The following TMTC2 variants were observed in gnomAD, a reference collection of about 807,000 sequenced individuals.
TMTC2 encodes the protein transmembrane O-mannosyltransferase targeting cadherins 2, also known as protein O-mannosyl-transferase TMTC2.
Under a neutral mutation model 82.4 loss-of-function variants are expected in TMTC2, and 43 were observed. That is an observed-to-expected ratio of 0.52 (90% confidence interval 0.41 to 0.67). TMTC2 has a LOEUF of 0.67. Ranked by LOEUF, TMTC2 falls within the 30% of genes least tolerant of loss-of-function variation. TMTC2 has a pLI of 0.00. For missense variants in TMTC2, 919 were observed against 1,012.4 expected, an observed-to-expected ratio of 0.91 and a Z score of 1.25; for synonymous variants, 408 against 381.9, an observed-to-expected ratio of 1.07 and a Z score of -0.80.
At chr12:83,086,315 G>C (rs573391461) in intron 11 of TMTC2, among the ~76,000 whole-genome samples, 3 of 152,104 alleles carry the variant, frequency 2.0e-5, no homozygotes, top group Non-Finnish European at 2.9e-5. Flanking sequence ...GGCACTCCTC[G>C]TTTCCCATAT....
chr12:83,031,003 C>T lies in TMTC2; in HGVS notation c.2152+124C>T, dbSNP rs530619070. ...TGGACTTTGTTATTGCAGATTTAGC[C>T]TCATGCTATATTCCTACCTTCTCAT... On this transcript the variant is annotated intron_variant, in intron 9 of 11. Transcript: ENST00000321196. 7.5e-4 allele frequency: 501 copies of T among 671,580 alleles called. 1 individual carries two copies. Among genetic ancestry groups the T allele is most frequent in the Non-Finnish European group, 1.1e-3 (433 of 381,984 alleles). The allele number at this position is 671,580 out of a possible 1,614,324, so 41.6% of individuals were successfully genotyped here. A position where few individuals can be genotyped will look rare whatever the true frequency, so the allele number is the denominator to read the frequency against.
At chr12:83,016,203 A>G (rs1358208086) in intron 8 of TMTC2, among the ~76,000 whole-genome samples, 1 of 152,158 alleles carries the variant, frequency 6.6e-6, no homozygotes, top group African/African-American at 2.4e-5. Flanking sequence ...TGGTCCTTTT[A>G]ACTAGTGTTA....
chr12:82,927,943 A>T (rs1272056138), intron 3 of TMTC2, among the ~76,000 whole-genome samples: 1 of 152,220 alleles, frequency 6.6e-6, no homozygotes, highest in South Asian at 2.1e-4. Flanking sequence ...CCAAAAAAAA[A>T]TTATGTGACT....
intron 1 of TMTC2, among the ~76,000 whole-genome samples, chr12:82,688,686 T>C (rs1014144799): frequency 2.0e-5 from 3 of 152,208 alleles, no homozygotes; most frequent in African/African-American, 7.2e-5. Context: ...TCATGCTCCA[T>C]TGAAATTAAA....
At chr12:83,111,533 G>A (rs1245560213) in intron 11 of TMTC2, among the ~76,000 whole-genome samples, 2 of 152,158 alleles carry the variant, frequency 1.3e-5, no homozygotes, top group Non-Finnish European at 2.9e-5. Context: ...GGCCAGATGT[G>A]ACCCACAGAC....
chr12:82,890,519 T>C (rs535520753), intron 2 of TMTC2, among the ~76,000 whole-genome samples: 4 of 152,316 alleles, frequency 2.6e-5, no homozygotes, highest in African/African-American at 9.6e-5. Flanking sequence ...TAAAACTTTG[T>C]GAAACAAGAG....
intron 8 of TMTC2, among the ~76,000 whole-genome samples, chr12:83,004,653 C>A (rs1880072068): frequency 1.4e-5 from 2 of 145,314 alleles, no homozygotes; most frequent in African/African-American, 5.0e-5. Flanking sequence ...AAGGCCATGG[C>A]TCTGCACGGG....
At chr12:82,727,844 CAAAA>C (rs58681807) in intron 1 of TMTC2, among the ~76,000 whole-genome samples, 1 of 148,248 alleles carries the variant, frequency 6.7e-6, no homozygotes, top group Non-Finnish European at 1.5e-5. Flanking sequence ...TAAGAAAGGC[CAAAA>C]AAAAAAAAAA....
At chr12:82,941,804 G>A (rs1046480967) in intron 4 of TMTC2, among the ~76,000 whole-genome samples, 1 of 152,174 alleles carries the variant, frequency 6.6e-6, no homozygotes, top group Non-Finnish European at 1.5e-5. Context: ...CTGTTGCCCA[G>A]GCTGGAGTGC....
chr12:83,016,834 T>C (rs1270304403), intron 8 of TMTC2, among the ~76,000 whole-genome samples: 6 of 152,214 alleles, frequency 3.9e-5, no homozygotes, highest in Non-Finnish European at 8.8e-5. Context: ...TCTCTGTGCC[T>C]CGCTTTCTTC....
At chr12:82,781,519 A>G (rs1158805258) in intron 1 of TMTC2, among the ~76,000 whole-genome samples, 1 of 151,090 alleles carries the variant, frequency 6.6e-6, no homozygotes, top group African/African-American at 2.4e-5. Context: ...TGTCCATCTT[A>G]ACACAGATGC....
chr12:83,032,543 A>T lies in TMTC2; in HGVS notation c.2152+1664A>T, dbSNP rs540505950. ...TTAAACAGAAAGTTCTACAAAAAAA[A>T]TTTTTTTTTTAATTTTTTTAGATGG... On this transcript the variant is annotated intron_variant, in intron 9 of 11. Transcript: ENST00000321196. 2.9e-4 allele frequency among the ~76,000 whole-genome samples: 44 copies of T among 149,664 alleles called. 1 individual carries two copies. In the South Asian group the frequency reaches 3.8e-3, roughly 13 times the overall value.
chr12:82,889,280 A>G (rs1204970827), intron 2 of TMTC2, among the ~76,000 whole-genome samples: 1 of 151,856 alleles, frequency 6.6e-6, no homozygotes, highest in Admixed American at 6.6e-5. Context: ...AAAAAAAAAA[A>G]AAAGTGTAGG....
chr12:82,724,495 C>T (rs1267032764), intron 1 of TMTC2, among the ~76,000 whole-genome samples: 6 of 152,118 alleles, frequency 3.9e-5, no homozygotes, highest in African/African-American at 9.7e-5. Context: ...AGTGGCAGTT[C>T]CCCTGCGCTC....
chr12:83,057,980 C>G (rs192826559), intron 10 of TMTC2, among the ~76,000 whole-genome samples: 1 of 151,748 alleles, frequency 6.6e-6, no homozygotes. Context: ...GTAAGTGGTT[C>G]TTTTAATCAG....
At chr12:82,890,007 T>C (rs568209133) in intron 2 of TMTC2, among the ~76,000 whole-genome samples, 1 of 152,300 alleles carries the variant, frequency 6.6e-6, no homozygotes, top group South Asian at 2.1e-4. Context: ...TGATACAAAC[T>C]ATTAATTTTA....
At chr12:82,695,273 A>T (rs1872733951) in intron 1 of TMTC2, among the ~76,000 whole-genome samples, 1 of 152,206 alleles carries the variant, frequency 6.6e-6, no homozygotes, top group Non-Finnish European at 1.5e-5. Context: ...AAGGTGAATA[A>T]TGCTCATAAA....
At chr12:82,935,728 T>G (rs1876281306) in intron 4 of TMTC2, among the ~76,000 whole-genome samples, 1 of 152,154 alleles carries the variant, frequency 6.6e-6, no homozygotes, top group African/African-American at 2.4e-5. Context: ...GCAGATGAAT[T>G]TAACATGCTA....
rs191117866 is a variant in TMTC2 at position 82,992,920 on chromosome 12, G to T, written c.2070+6874G>T. The stretch of plus-strand genomic sequence containing the variant: ...TTCTTTTGAGTATGCCACTAATGTG[G>T]CATTAAAGGCCACATGAGATAATTT... On this transcript the variant is annotated intron_variant, in intron 8 of 11. Transcript: ENST00000321196. Among the ~76,000 whole-genome samples, 18 of 152,234 alleles carry T rather than the reference G, an allele frequency of 1.2e-4. No homozygotes were observed. In the East Asian group the frequency reaches 3.5e-3, roughly 29 times the overall value.
Sources: allele counts gnomAD v4.1 joint callset (sites outside exome capture counted in the v4.1 genomes callset), GRCh38; gene constraint gnomAD v4.1.1; transcripts MANE v1.5; gene names NCBI Gene and HGNC (gene_info 2026-07-23, HGNC 2026-07-21).